The following NAXD variants were observed in gnomAD, a reference collection of about 807,000 sequenced individuals.
The protein encoded by NAXD is ATP-dependent (S)-NAD(P)H-hydrate dehydratase.
NAXD carries 22 observed loss-of-function variants against 35.8 expected under a neutral mutation model. The ratio of observed to expected loss-of-function variants is 0.62; its 90% CI spans 0.44 to 0.88. The LOEUF (loss-of-function observed/expected upper bound fraction) is 0.88. NAXD is among the 40% of genes least tolerant of loss of function. The pLI is 0.00. For missense variants in NAXD, 428 were observed against 437.7 expected (o/e 0.98, Z 0.20); for synonymous variants, 189 against 177.6 (o/e 1.06, Z -0.51).
chr13:110,629,079 C>T (rs1292475070), intron 5 of NAXD, among the ~76,000 whole-genome samples: 2 of 152,198 alleles, frequency 1.3e-5, no homozygotes, highest in Non-Finnish European at 2.9e-5. Flanking sequence ...TGGGCTGCCG[C>T]CTCCTCGTCA....
intron 1 of NAXD, among the ~76,000 whole-genome samples, chr13:110,621,470 C>T (rs1303953071): frequency 6.6e-6 from 1 of 151,970 alleles, no homozygotes; most frequent in Non-Finnish European, 1.5e-5. Flanking sequence ...CTGAGGCGGG[C>T]AGATCACTTG....
At position 110,628,465 on chromosome 13, in the gene NAXD, C is replaced by T. The variant is rs1594176906; in HGVS notation, c.441+918C>T. 6.6e-6 allele frequency among the ~76,000 whole-genome samples: 1 copy of T among 152,336 alleles called. No individual in the cohort carries two copies. Among genetic ancestry groups the T allele is most frequent in the East Asian group, 1.9e-4 (1 of 5,194 alleles). ...ATTTTGTGTTCCCCAGATCAGCAGT[C>T]ACCCTGAAAATGCCAGCCATCTGCA... On this transcript the variant is annotated intron_variant, in intron 5 of 9. Coordinates refer to ENST00000680254, the MANE Select transcript of NAXD (RefSeq NM_001242882.2). The surrounding 1 kb of genome is among the most constrained non-coding windows in gnomAD (Gnocchi z 4.1).
chr13:110,625,924 CGGCAGCAGGGAGGG>C (rs1255226685), intron 4 of NAXD, among the ~76,000 whole-genome samples: 1 of 152,106 alleles, frequency 6.6e-6, no homozygotes, highest in Non-Finnish European at 1.5e-5. Flanking sequence ...CCGTAGAGAG[CGGCAGCAGGGAGGG>C]GGCTGTGAGA....
chr13:110,638,403 T>C lies in NAXD; in HGVS notation c.865T>C (p.Phe289Leu), dbSNP rs1340104155. 6 of 1,613,524 alleles carry C rather than the reference T, an allele frequency of 3.7e-6. No individual in the cohort carries two copies. Among genetic ancestry groups the C allele is most frequent in the Non-Finnish European group, 5.1e-6 (6 of 1,180,004 alleles). ...GTCCAGCCCTCTCCTGGTGGCCGCG[T>C]TTGGCGCCTGCTCTCTCACCAGGCA... ...NGSSPLLVAA[F>L]GACSLTRQCN... The change falls in exon 10 of 10, where the codon TTT becomes CTT. Residue 289 changes from phenylalanine to leucine, a missense_variant. Physicochemically the swap from Phe to Leu is conservative, Grantham distance 22. Coordinates refer to ENST00000680254, the MANE Select transcript of NAXD (RefSeq NM_001242882.2). The surrounding 1 kb of genome is among the most constrained non-coding windows in gnomAD (Gnocchi z 5.4).
intron 1 of NAXD, among the ~76,000 whole-genome samples, chr13:110,616,975 C>T (rs969497831): frequency 2.0e-5 from 3 of 152,180 alleles, no homozygotes; most frequent in African/African-American, 7.2e-5. Context: ...TCACTCACAC[C>T]AGCAGGGAGG....
intron 5 of NAXD, among the ~76,000 whole-genome samples, chr13:110,629,264 T>C (rs935969586): frequency 6.6e-5 from 10 of 151,464 alleles, no homozygotes; most frequent in African/African-American, 2.5e-4. Context: ...GCCCGTGGGA[T>C]CTGGTAGCAA....
Position 110,638,577 on chromosome 13 carries a change from G to A in NAXD, c.*49G>A. The A allele has an allele frequency of 1.9e-6, 3 of 1,604,566 alleles. No individual in the cohort carries two copies. Among genetic ancestry groups the A allele is most frequent in the Non-Finnish European group, 1.7e-6 (2 of 1,174,702 alleles). ...AGGCACCTTGGACGGGGGAGAGCGT[G>A]TGTGTGATGGGAAAATCCGGACCCA... On this transcript the variant is annotated 3_prime_UTR_variant, in exon 10 of 10. Coordinates refer to ENST00000680254, the MANE Select transcript of NAXD (RefSeq NM_001242882.2). The surrounding 1 kb of genome is among the most constrained non-coding windows in gnomAD (Gnocchi z 5.4).
chr13:110,621,591 G>C (rs1465555011), intron 1 of NAXD, among the ~76,000 whole-genome samples: 1 of 152,202 alleles, frequency 6.6e-6, no homozygotes, highest in Non-Finnish European at 1.5e-5. Flanking sequence ...AGATACTCCG[G>C]AGGCTGAGGC....
intron 1 of NAXD, among the ~76,000 whole-genome samples, chr13:110,619,923 C>T (rs1431530982): frequency 1.3e-5 from 2 of 152,106 alleles, no homozygotes; most frequent in Non-Finnish European, 2.9e-5. Flanking sequence ...CTCAGCCTCC[C>T]GAGTAGCTGG....
At chr13:110,624,628 T>C (rs1260933085) in intron 3 of NAXD, among the ~76,000 whole-genome samples, 3 of 152,048 alleles carry the variant, frequency 2.0e-5, no homozygotes, top group Non-Finnish European at 2.9e-5. Context: ...CTGGCTAATT[T>C]TGTTTGTATT....
chr13:110,627,899 T>G (rs1886556634), intron 5 of NAXD, among the ~76,000 whole-genome samples: 1 of 152,164 alleles, frequency 6.6e-6, no homozygotes, highest in Non-Finnish European at 1.5e-5. Context: ...ACCCCCTTCT[T>G]GCTGGGGGAT....
intron 8 of NAXD, among the ~76,000 whole-genome samples, chr13:110,636,433 TATACAC>T: frequency 6.6e-6 from 1 of 151,874 alleles, no homozygotes; most frequent in Non-Finnish European, 1.5e-5. Flanking sequence ...CACTCGCACT[TATACAC>T]ATGCATGGTC....
chr13:110,627,421 C>T lies in NAXD; in HGVS notation c.333-18C>T. 1 of 1,577,158 alleles carries T rather than the reference C, an allele frequency of 6.3e-7. No homozygotes were observed. The highest frequency in any genetic ancestry group is 1.1e-5 in the South Asian group (1 of 89,888). ...AGGAATTGTGGGTAACCATCCTGGC[C>T]TTCCTTTCCTTCTTTAGTGACAGCC... is the stretch of plus-strand genomic sequence containing the variant. On this transcript the variant is annotated intron_variant, in intron 4 of 9. Transcript: ENST00000680254.
intron 1 of NAXD, among the ~76,000 whole-genome samples, chr13:110,617,297 A>G (rs980817444): frequency 2.0e-5 from 3 of 152,238 alleles, no homozygotes; most frequent in African/African-American, 7.2e-5. Context: ...AGTCTTCCCC[A>G]GACACGCTTC....
rs151113056 is a variant in NAXD at position 110,635,533 on chromosome 13, C to T, written c.663C>T (p.Gly221=). 6.2e-7 allele frequency: 1 copy of T among 1,614,174 alleles called. No homozygotes were observed. Among genetic ancestry groups the T allele is most frequent in the African/African-American group, 1.3e-5 (1 of 75,066 alleles). ...TGCTAAGACTCAGCCAAGCCCTGGG[C>T]AACGTGACGGTGGTCCAGAAAGGAG... The part of the protein sequence containing the change: ...GSVLRLSQAL[G]NVTVVQKGER... The change falls in exon 8 of 10, where the codon GGC becomes GGT. Residue 221 remains glycine, a synonymous_variant. Transcript: ENST00000680254.
rs374753087 is a variant in NAXD, at chr13:110,638,368, C to T, written c.840-10C>T. 1.8e-5 allele frequency: 29 copies of T among 1,613,810 alleles called. No individual in the cohort carries two copies. In the African/African-American group the frequency reaches 3.1e-4, roughly 17 times the overall value. On this transcript the variant is annotated splice_polypyrimidine_tract_variant and intron_variant, in intron 9 of 9. Transcript: ENST00000680254. The surrounding 1 kb of genome is among the most constrained non-coding windows in gnomAD (Gnocchi z 5.4). ...CTTCCCCACACCTCCTGCTGTCCCCCTCTCCGCAGGTCCAGCCCTCTCCTG... is the reference window on the plus strand; with the variant it reads ...CTTCCCCACACCTCCTGCTGTCCCCTTCTCCGCAGGTCCAGCCCTCTCCTG...
intron 4 of NAXD, 114 bp from the exon 5 acceptor site, chr13:110,627,325 A>T: frequency 1.4e-6 from 1 of 691,002 alleles, no homozygotes; most frequent in Non-Finnish European, 2.5e-6. Flanking sequence ...GAAATTATTT[A>T]AAAGTCATTA....
rs1455944299 is a variant in NAXD at position 110,639,773 on chromosome 13, ACCCT to A, written c.*1246_*1249del. 6.6e-6 allele frequency: 1 copy of A among 152,048 alleles called. No homozygotes were observed. Among genetic ancestry groups the A allele is most frequent in the Non-Finnish European group, 1.5e-5 (1 of 68,002 alleles). 9.4% of individuals were successfully genotyped at this position (152,048 alleles called of 1,614,324 possible). A position where few individuals can be genotyped will look rare whatever the true frequency, so the allele number is the denominator to read the frequency against. On this transcript the variant is annotated 3_prime_UTR_variant, in exon 10 of 10. Coordinates refer to ENST00000680254, the MANE Select transcript of NAXD (RefSeq NM_001242882.2). ...GGCCTGATGATGACTCTTGAGTGAT[ACCCT>A]GTGATGCAGACATGCCCCAGATGGA...
At chr13:110,626,688 G>T (rs777115412) in intron 4 of NAXD, among the ~76,000 whole-genome samples, 14 of 152,156 alleles carry the variant, frequency 9.2e-5, no homozygotes, top group Non-Finnish European at 1.8e-4. Context: ...CTGTGTGTGC[G>T]ACTCTGGGTC....
Sources: gnomAD v4.1 joint callset for allele counts (sites outside exome capture counted in the v4.1 genomes callset) on GRCh38, gnomAD v4.1.1 for gene constraint, Gnocchi (gnomAD v3.1) non-coding constraint, MANE v1.5 for transcripts, NCBI Gene and HGNC (gene_info 2026-07-23, HGNC 2026-07-21) for gene names.